Variants in CHRM3 observed in about 807,000 individuals in gnomAD.
CHRM3 encodes muscarinic acetylcholine receptor M3.
A neutral mutation model predicts 41.8 loss-of-function variants in CHRM3; 11 were observed. The observed-to-expected ratio is 0.26, with a 90% confidence interval of 0.17 to 0.44. The LOEUF is 0.44. Ranked by LOEUF, CHRM3 falls within the 20% of genes least tolerant of loss-of-function variation. The probability of loss-of-function intolerance (pLI) is 1.00; values close to 1 mark genes in which losing one functional copy is unlikely to be tolerated. For synonymous variants in CHRM3, 297 were observed against 301.4 expected (o/e 0.99, Z 0.15); for missense variants, 571 against 745.4 (o/e 0.77, Z 2.72).
intron 6 of CHRM3, among the ~76,000 whole-genome samples, chr1:239,836,076 C>T (rs1251469576): frequency 6.6e-6 from 1 of 152,236 alleles, no homozygotes; most frequent in Non-Finnish European, 1.5e-5. Flanking sequence ...AGATTCCAGC[C>T]AATCACCTGG....
chr1:239,403,976 G>GGAGAGAGAGAGAGAGAGAGA lies in CHRM3; in HGVS notation c.-521+16768_-521+16787dup, dbSNP rs531556599. On this transcript the variant is annotated intron_variant, in intron 1 of 6. Transcript: ENST00000676153. Reference sequence around the variant, plus strand: ...GGGAGGGAGGGAGGGAGAGGGAGGGGGAGAGAGAGAGAGAGAGAGAGAGAG... The same window carrying GGAGAGAGAGAGAGAGAGAGA: ...GGGAGGGAGGGAGGGAGAGGGAGGGGGAGAGAGAGAGAGAGAGAGAGAGAGAGAGAGAGAGAGAGAGAGAG... 2.7e-3 allele frequency among the ~76,000 whole-genome samples: 125 copies of GGAGAGAGAGAGAGAGAGAGA among 46,502 alleles called. 15 individuals carry two copies. The highest frequency in any genetic ancestry group is 3.1e-3 in the East Asian group (4 of 1,288). 30.5% of individuals were successfully genotyped at this position (46,502 alleles called of 152,430 possible).
intron 5 of CHRM3, among the ~76,000 whole-genome samples, chr1:239,713,853 G>C (rs947895316): frequency 4.6e-5 from 7 of 152,144 alleles, no homozygotes; most frequent in African/African-American, 1.7e-4. Context: ...AAAAAACGGT[G>C]TTCCATTAAA....
At chr1:239,900,399 A>ATTTT (rs1679436233) in intron 6 of CHRM3, among the ~76,000 whole-genome samples, 1 of 146,140 alleles carries the variant, frequency 6.8e-6, no homozygotes, top group African/African-American at 2.6e-5. Context: ...TTTTTTTGAA[A>ATTTT]TCCTTATGAC....
At chr1:239,861,423 G>A (rs1038109331) in intron 6 of CHRM3, among the ~76,000 whole-genome samples, 1 of 152,008 alleles carries the variant, frequency 6.6e-6, no homozygotes, top group African/African-American at 2.4e-5. Context: ...CCAGGGAGAG[G>A]AAATAGTACA....
intron 3 of CHRM3, among the ~76,000 whole-genome samples, chr1:239,620,392 G>A (rs1161885223): frequency 6.6e-6 from 1 of 152,066 alleles, no homozygotes; most frequent in Non-Finnish European, 1.5e-5. Flanking sequence ...ATACATCTGT[G>A]AACACTACTT....
At chr1:239,728,742 C>G (rs953226176) in intron 5 of CHRM3, among the ~76,000 whole-genome samples, 6 of 151,948 alleles carry the variant, frequency 3.9e-5, no homozygotes, top group Admixed American at 1.3e-4. Context: ...CAAGGATCTA[C>G]TAAACCTTTT....
At chr1:239,773,168 T>C (rs143551424) in intron 5 of CHRM3, among the ~76,000 whole-genome samples, 3 of 152,306 alleles carry the variant, frequency 2.0e-5, no homozygotes, top group Non-Finnish European at 4.4e-5. Context: ...GGTTACTCAC[T>C]AATGATCTGT....
chr1:239,450,612 G>A (rs539925685), intron 1 of CHRM3, among the ~76,000 whole-genome samples: 3 of 152,076 alleles, frequency 2.0e-5, no homozygotes, highest in South Asian at 2.1e-4. Context: ...ATTCTTGTCC[G>A]GATCTAATAC....
intron 6 of CHRM3, among the ~76,000 whole-genome samples, chr1:239,894,473 T>C (rs1678819953): frequency 1.3e-5 from 2 of 152,072 alleles, no homozygotes; most frequent in Admixed American, 6.6e-5. Context: ...CACTCTGTCA[T>C]TCAGGTTGGA....
At chr1:239,420,796 T>A (rs1053877891) in intron 1 of CHRM3, among the ~76,000 whole-genome samples, 4 of 152,200 alleles carry the variant, frequency 2.6e-5, no homozygotes, top group African/African-American at 9.7e-5. Flanking sequence ...CAGTATATTT[T>A]TATTTTTAAG....
At chr1:239,527,194 C>G (rs1050678114) in intron 2 of CHRM3, among the ~76,000 whole-genome samples, 2 of 152,116 alleles carry the variant, frequency 1.3e-5, no homozygotes, top group Non-Finnish European at 2.9e-5. Context: ...ATTTTAACAA[C>G]CTACAAAACA....
At position 239,651,984 on chromosome 1, in the gene CHRM3, TG is replaced by T. The variant is rs145600786; in HGVS notation, c.-250+19699del. Among the ~76,000 whole-genome samples the T allele has an allele frequency of 8.7e-4, 91 of 104,828 alleles. 2 individuals are homozygous for T. The East Asian group carries it at 0.023, about 26-fold the overall frequency. The allele number at this position is 104,828 out of a possible 152,430, so 68.8% of individuals were successfully genotyped here. The stretch of plus-strand genomic sequence containing the variant: ...CAAATGTCTGTATTTCGCCAGTTTT[TG>T]TTTTTTTTTTTTTTTTTGATGCAGC... On this transcript the variant is annotated intron_variant, in intron 4 of 6. Transcript: ENST00000676153.
chr1:239,785,581 C>T (rs1364608494), intron 5 of CHRM3, among the ~76,000 whole-genome samples: 1 of 152,216 alleles, frequency 6.6e-6, no homozygotes, highest in Non-Finnish European at 1.5e-5. Context: ...CCCCACTTAT[C>T]TTTCTTACTT....
intron 5 of CHRM3, among the ~76,000 whole-genome samples, chr1:239,776,626 G>T (rs1455730861): frequency 1.3e-5 from 2 of 152,066 alleles, no homozygotes; most frequent in Admixed American, 1.3e-4. Context: ...CTAAATGAGG[G>T]CCATGCCAAG....
chr1:239,614,209 CT>C (rs1667380574), intron 3 of CHRM3, among the ~76,000 whole-genome samples: 1 of 152,022 alleles, frequency 6.6e-6, no homozygotes, highest in South Asian at 2.1e-4. Flanking sequence ...AGGATACAAG[CT>C]CGCATTTAAG....
intron 1 of CHRM3, among the ~76,000 whole-genome samples, chr1:239,418,822 A>G (rs900848824): frequency 2.6e-5 from 4 of 152,192 alleles, no homozygotes; most frequent in Admixed American, 6.5e-5. Context: ...AGTCATTTGA[A>G]TGGTTGGTTC....
intron 5 of CHRM3, among the ~76,000 whole-genome samples, chr1:239,699,858 G>A (rs1660523900): frequency 1.3e-5 from 2 of 152,054 alleles, no homozygotes; most frequent in African/African-American, 4.8e-5. Flanking sequence ...CTGAAACTGT[G>A]ACCAAAACTC....
intron 6 of CHRM3, among the ~76,000 whole-genome samples, chr1:239,864,172 AC>A (rs1675877662): frequency 6.6e-6 from 1 of 151,952 alleles, no homozygotes; most frequent in Non-Finnish European, 1.5e-5. Context: ...CCAGGAGGCA[AC>A]ATAGCGAGAC....
intron 4 of CHRM3, among the ~76,000 whole-genome samples, chr1:239,653,183 T>C (rs1048550428): frequency 2.0e-5 from 3 of 151,600 alleles, no homozygotes; most frequent in Admixed American, 6.6e-5. Context: ...CCGCCTGGAG[T>C]CAGTAGATGG....
Sources: allele counts gnomAD v4.1 joint callset (sites outside exome capture counted in the v4.1 genomes callset), GRCh38; gene constraint gnomAD v4.1.1; transcripts MANE v1.5; gene names NCBI Gene and HGNC (gene_info 2026-07-23, HGNC 2026-07-21).